AUNIP: variants seen among roughly 807,000 people sequenced by gnomAD.
AUNIP encodes the protein aurora kinase A- and ninein-interacting protein.
A neutral mutation model predicts 12.2 loss-of-function variants in AUNIP; 16 were observed. The observed-to-expected ratio is 1.31, with a 90% CI of 0.88 to 1.99. AUNIP has a LOEUF of 1.99. Ranked by LOEUF, AUNIP falls within the 30% of genes most tolerant of loss-of-function variation. The pLI is 0.00. For missense variants in AUNIP, 411 were observed against 419.1 expected, an observed-to-expected ratio of 0.98 and a Z score of 0.17; for synonymous variants, 142 against 154.8, an observed-to-expected ratio of 0.92 and a Z score of 0.61.
chr1:25,840,414 A>C (rs1208602135), intron 1 of AUNIP, among the ~76,000 whole-genome samples: 2 of 152,206 alleles, frequency 1.3e-5, no homozygotes, highest in African/African-American at 4.8e-5. Flanking sequence ...TCAAAAAAAC[A>C]ATGTGGAGGG....
intron 1 of AUNIP, among the ~76,000 whole-genome samples, chr1:25,848,777 A>G (rs984109604): frequency 2.0e-5 from 3 of 152,228 alleles, no homozygotes; most frequent in Non-Finnish European, 4.4e-5. Context: ...CTGGATATCA[A>G]GGCTCAGTTA....
At chr1:25,854,479 G>A (rs2048445081) in intron 1 of AUNIP, among the ~76,000 whole-genome samples, 1 of 152,166 alleles carries the variant, frequency 6.6e-6, no homozygotes, top group South Asian at 2.1e-4. Flanking sequence ...TACATGTGAA[G>A]TCCAAAAATG....
Position 25,835,115 on chromosome 1 carries a change from C to G in AUNIP, c.952G>C (p.Gly318Arg), listed in dbSNP as rs747527538. 6 of 1,614,232 alleles carry G rather than the reference C, an allele frequency of 3.7e-6. No individual in the cohort carries two copies. In the South Asian group the frequency reaches 6.6e-5, roughly 18 times the overall value. The change falls in exon 3 of 3, where the codon GGG (glycine) becomes CGG (arginine). Residue 318 changes from glycine to arginine, a missense_variant. Physicochemically the swap from Gly to Arg is moderately radical, Grantham distance 125. Coordinates refer to ENST00000374298, the MANE Select transcript of AUNIP (RefSeq NM_024037.3). Reference sequence around the variant, plus strand: ...GCCCAAGGACTGTTAGGAAACGGCCCTAAGTCCCAATTCCAGTTATTGGTT... The same window carrying G: ...GCCCAAGGACTGTTAGGAAACGGCCGTAAGTCCCAATTCCAGTTATTGGTT... ...DVTNNWNWDL[G>R]PFPNSPWAQC...
chr1:25,853,327 T>C (rs1383225640), intron 1 of AUNIP, among the ~76,000 whole-genome samples: 1 of 152,218 alleles, frequency 6.6e-6, no homozygotes, highest in East Asian at 1.9e-4. Flanking sequence ...GCCGGCGTGG[T>C]GGCTCATGCC....
At chr1:25,850,360 A>C (rs1245386968) in intron 1 of AUNIP, among the ~76,000 whole-genome samples, 3 of 152,174 alleles carry the variant, frequency 2.0e-5, no homozygotes, top group Admixed American at 6.5e-5. Flanking sequence ...TTTTGAAATC[A>C]GTACATGTGA....
intron 1 of AUNIP, among the ~76,000 whole-genome samples, chr1:25,852,833 G>A (rs1287475968): frequency 1.3e-5 from 2 of 151,888 alleles, no homozygotes; most frequent in Non-Finnish European, 2.9e-5. Flanking sequence ...TTATATTTTT[G>A]TTTTCATTTA....
intron 1 of AUNIP, among the ~76,000 whole-genome samples, chr1:25,854,806 C>T: frequency 6.6e-6 from 1 of 152,204 alleles, no homozygotes. Flanking sequence ...ACTCACACAA[C>T]TGTTGGCAAA....
chr1:25,837,620 G>C, intron 1 of AUNIP, 66 bp from the exon 2 acceptor site: 1 of 1,490,848 alleles, frequency 6.7e-7, no homozygotes, highest in East Asian at 2.3e-5. Flanking sequence ...TAGAGATTCA[G>C]TACACACCAG....
At position 25,843,594 on chromosome 1, in the gene AUNIP, GAAAAAAAA is replaced by G. The variant is rs769525747; in HGVS notation, c.79-6048_79-6041del. 6.9e-4 allele frequency among the ~76,000 whole-genome samples: 22 copies of G among 31,892 alleles called. 1 individual carries two copies. Among genetic ancestry groups the G allele is most frequent in the African/African-American group, 1.2e-3 (12 of 10,356 alleles). 20.9% of individuals were successfully genotyped at this position (31,892 alleles called of 152,430 possible). A position where few individuals can be genotyped will look rare whatever the true frequency, so the allele number is the denominator to read the frequency against. On this transcript the variant is annotated intron_variant, in intron 1 of 2. Transcript: ENST00000374298. ...CAAAATAGTGAGCTCCTGTCTGTTT[GAAAAAAAA>G]AAAAAAAAAAAAAAAAAAAAAGGGA... is the stretch of plus-strand genomic sequence containing the variant.
chr1:25,853,943 C>T (rs2048440590), intron 1 of AUNIP, among the ~76,000 whole-genome samples: 1 of 152,264 alleles, frequency 6.6e-6, no homozygotes, highest in East Asian at 1.9e-4. Context: ...CGGCCCGGCG[C>T]AGTGGCTCAC....
intron 1 of AUNIP, among the ~76,000 whole-genome samples, chr1:25,848,841 G>A (rs1404850999): frequency 1.3e-5 from 2 of 152,238 alleles, no homozygotes; most frequent in Non-Finnish European, 2.9e-5. Context: ...ACTGCTGAGA[G>A]CAGTTGGCAT....
Position 25,835,106 on chromosome 1 carries a change from G to C in AUNIP, c.961C>G (p.Pro321Ala). The change falls in exon 3 of 3, where the codon CCT becomes GCT. Residue 321 changes from proline to alanine, a missense_variant. Transcript: ENST00000374298. ...TGGCACTGAGCCCAAGGACTGTTAG[G>C]AAACGGCCCTAAGTCCCAATTCCAG... is the stretch of plus-strand genomic sequence containing the variant. ...NNWNWDLGPF[P>A]NSPWAQCQED... is the part of the protein sequence containing the mutation. 1 of 1,614,208 alleles carries C rather than the reference G, an allele frequency of 6.2e-7. No homozygotes were observed. The highest frequency in any genetic ancestry group is 8.5e-7 in the Non-Finnish European group (1 of 1,180,044).
At chr1:25,852,458 T>TG (rs1286102078) in intron 1 of AUNIP, among the ~76,000 whole-genome samples, 30 of 142,530 alleles carry the variant, frequency 2.1e-4, no homozygotes, top group African/African-American at 4.3e-4. Flanking sequence ...GTTTTTTTTT[T>TG]TGTTGTTTTT....
intron 1 of AUNIP, 75 bp downstream of exon 1, chr1:25,859,205 C>A: frequency 6.9e-7 from 1 of 1,457,046 alleles, no homozygotes; most frequent in Non-Finnish European, 9.3e-7. Context: ...CTCCAGGTGT[C>A]CCCCAAACTC....
intron 1 of AUNIP, among the ~76,000 whole-genome samples, chr1:25,858,441 G>C (rs974899877): frequency 2.6e-5 from 4 of 152,136 alleles, no homozygotes; most frequent in African/African-American, 9.7e-5. Context: ...CCTGTTTTCC[G>C]TATGTAAAAT....
chr1:25,855,772 C>G (rs2048456058), intron 1 of AUNIP, among the ~76,000 whole-genome samples: 1 of 152,168 alleles, frequency 6.6e-6, no homozygotes, highest in Non-Finnish European at 1.5e-5. Context: ...ATTTGATAGC[C>G]ACTCTAGGAA....
At chr1:25,857,380 G>T (rs568727229) in intron 1 of AUNIP, among the ~76,000 whole-genome samples, 1 of 150,822 alleles carries the variant, frequency 6.6e-6, no homozygotes, top group South Asian at 2.1e-4. Context: ...CGAGTAGCTG[G>T]GATTACAGGT....
At chr1:25,852,269 C>G (rs1415532768) in intron 1 of AUNIP, among the ~76,000 whole-genome samples, 2 of 151,542 alleles carry the variant, frequency 1.3e-5, no homozygotes, top group African/African-American at 4.9e-5. Context: ...CTTGATCAGT[C>G]TAGCTAAAGG....
chr1:25,837,551 G>A lies in AUNIP; in HGVS notation c.82C>T (p.His28Tyr). 3 of 1,612,002 alleles carry A rather than the reference G, an allele frequency of 1.9e-6. No individual in the cohort carries two copies. Among genetic ancestry groups the A allele is most frequent in the Non-Finnish European group, 2.5e-6 (3 of 1,178,888 alleles). ...ATTTTGGTGCCTGGTTTGATTAAAT[G>A]TGTCTGAGAAAGGAGAGAAAAAAGA... ...AALKRRKVQT[H>Y]LIKPGTKMLT... Residue 28 changes from histidine to tyrosine, a missense_variant, in exon 2 of 3, where the codon CAT becomes TAT. Coordinates refer to ENST00000374298, the MANE Select transcript of AUNIP (RefSeq NM_024037.3).
Sources: gnomAD v4.1 joint callset for allele counts (sites outside exome capture counted in the v4.1 genomes callset) on GRCh38, gnomAD v4.1.1 for gene constraint, MANE v1.5 for transcripts, NCBI Gene and HGNC (gene_info 2026-07-23, HGNC 2026-07-21) for gene names.